The following INPP4B variants were observed in gnomAD, a reference collection of about 807,000 sequenced individuals.
The protein encoded by INPP4B is inositol polyphosphate 4-phosphatase type II.
Under a neutral mutation model 122.5 loss-of-function variants are expected in INPP4B, and 55 were observed. The observed-to-expected ratio is 0.45, with a 90% CI of 0.36 to 0.56. The LOEUF (loss-of-function observed/expected upper bound fraction) is 0.56, where lower values mean the gene tolerates loss of function less well. Ranked by LOEUF, INPP4B falls within the 20% of genes least tolerant of loss-of-function variation. The pLI is 0.00. For missense variants in INPP4B, 1,000 were observed against 1,097.7 expected (o/e 0.91, Z 1.26); for synonymous variants, 403 against 388.7 (o/e 1.04, Z -0.43).
chr4:142,694,537 A>C (rs1033756403), intron 2 of INPP4B, among the ~76,000 whole-genome samples: 10 of 152,204 alleles, frequency 6.6e-5, no homozygotes, highest in African/African-American at 2.4e-4. Context: ...CTGGTCAGGC[A>C]GGTCAGATAC....
Position 142,836,539 on chromosome 4 carries a change from A to C in INPP4B, c.-254+9670T>G, listed in dbSNP as rs182799149. 9.3e-4 allele frequency among the ~76,000 whole-genome samples: 142 copies of C among 152,262 alleles called. 1 individual carries two copies. The highest frequency in any genetic ancestry group is 3.4e-3 in the African/African-American group (141 of 41,548). ...AAAAACTGCTGTTGGAAAAACGCTT[A>C]ACTATTTTTAAGAAGAAAATCAATT... On this transcript the variant is annotated intron_variant, in intron 1 of 25. Coordinates refer to ENST00000262992, the MANE Select transcript of INPP4B (RefSeq NM_001101669.3).
chr4:142,274,034 T>C (rs1040861627), intron 9 of INPP4B, among the ~76,000 whole-genome samples: 1 of 151,836 alleles, frequency 6.6e-6, no homozygotes, highest in Non-Finnish European at 1.5e-5. Context: ...ATTTCATGTT[T>C]CCAAAGATTT....
At chr4:142,579,117 A>G (rs1185963414) in intron 2 of INPP4B, among the ~76,000 whole-genome samples, 1 of 152,060 alleles carries the variant, frequency 6.6e-6, no homozygotes, top group Non-Finnish European at 1.5e-5. Context: ...AACAAAGTCT[A>G]CATGTTCTCT....
At chr4:142,305,413 C>G (rs1160445191) in intron 9 of INPP4B, 45 bp downstream of exon 9, 1 of 1,414,202 alleles carries the variant, frequency 7.1e-7, no homozygotes, top group South Asian at 1.2e-5. Flanking sequence ...ATAAATATCA[C>G]TTGTTATTAA....
chr4:142,624,245 T>C (rs1195651982), intron 2 of INPP4B, among the ~76,000 whole-genome samples: 7 of 152,004 alleles, frequency 4.6e-5, no homozygotes, highest in Non-Finnish European at 8.8e-5. Flanking sequence ...TCCTGACTTT[T>C]TAATGATTGC....
chr4:142,545,180 T>C (rs1829405636), intron 2 of INPP4B, among the ~76,000 whole-genome samples: 1 of 152,190 alleles, frequency 6.6e-6, no homozygotes, highest in South Asian at 2.1e-4. Context: ...AAAATGGCAC[T>C]TATATTAGTT....
intron 2 of INPP4B, among the ~76,000 whole-genome samples, chr4:142,664,153 A>G (rs1755651920): frequency 6.6e-6 from 1 of 152,134 alleles, no homozygotes; most frequent in Non-Finnish European, 1.5e-5. Context: ...TAGGAAGAGT[A>G]AGAGAGGCAT....
At chr4:142,764,934 G>C (rs987920241) in intron 1 of INPP4B, among the ~76,000 whole-genome samples, 8 of 152,070 alleles carry the variant, frequency 5.3e-5, no homozygotes, top group African/African-American at 1.9e-4. Context: ...AGGGACATAT[G>C]AGATTTACTC....
intron 9 of INPP4B, among the ~76,000 whole-genome samples, chr4:142,296,858 T>C (rs1464588966): frequency 6.6e-6 from 1 of 152,192 alleles, no homozygotes; most frequent in Non-Finnish European, 1.5e-5. Flanking sequence ...TTTTGAAAAT[T>C]TCAGGAAATC....
Position 142,111,879 on chromosome 4 carries a change from G to A in INPP4B, c.2276+663C>T, listed in dbSNP as rs556106553. 2.7e-3 allele frequency among the ~76,000 whole-genome samples: 413 copies of A among 151,874 alleles called. 2 individuals carry two copies. Among genetic ancestry groups the A allele is most frequent in the Non-Finnish European group, 4.0e-3 (273 of 67,948 alleles). On this transcript the variant is annotated intron_variant, in intron 22 of 25. Transcript: ENST00000262992. ...CTGCCTTAGCCTCCTGAGTAGCTGG[G>A]ATTACAGGTGATCACCACCACGCCT...
intron 3 of INPP4B, among the ~76,000 whole-genome samples, chr4:142,445,005 G>A (rs1443196153): frequency 6.6e-6 from 1 of 151,928 alleles, no homozygotes; most frequent in Non-Finnish European, 1.5e-5. Context: ...CACACACCAG[G>A]GCCTGTCAGG....
rs1763611374 is a variant in INPP4B, at chr4:142,306,937, A to T, written c.424-1400T>A. ...GAAAGGCAACTCGGTTCTGAAGGAG[A>T]TACCCAAATATTGCTAATGATAAAC... On this transcript the variant is annotated intron_variant, in intron 8 of 25. Transcript: ENST00000262992. Among the ~76,000 whole-genome samples, 4 of 152,206 alleles carry T rather than the reference A, an allele frequency of 2.6e-5. No homozygotes were observed. The South Asian group carries it at 8.3e-4, about 32-fold the overall frequency.
At chr4:142,524,253 A>T (rs1826519237) in intron 2 of INPP4B, among the ~76,000 whole-genome samples, 1 of 152,244 alleles carries the variant, frequency 6.6e-6, no homozygotes, top group Non-Finnish European at 1.5e-5. Context: ...CAATGGTTGA[A>T]CTAGTTTACA....
At chr4:142,192,633 A>G (rs924581847) in intron 15 of INPP4B, among the ~76,000 whole-genome samples, 1 of 152,136 alleles carries the variant, frequency 6.6e-6, no homozygotes, top group African/African-American at 2.4e-5. Context: ...CAGAACATAG[A>G]ATTCTGTATT....
At chr4:142,393,050 C>G (rs1798246165) in intron 7 of INPP4B, among the ~76,000 whole-genome samples, 1 of 152,150 alleles carries the variant, frequency 6.6e-6, no homozygotes, top group South Asian at 2.1e-4. Flanking sequence ...GTACCCATCT[C>G]TAAAATGTCA....
intron 7 of INPP4B, among the ~76,000 whole-genome samples, chr4:142,372,458 T>G (rs1790288185): frequency 6.6e-6 from 1 of 152,100 alleles, no homozygotes; most frequent in Admixed American, 6.6e-5. Flanking sequence ...GTAAATACCT[T>G]GATTTGATCA....
intron 9 of INPP4B, among the ~76,000 whole-genome samples, chr4:142,275,557 T>C (rs1443474428): frequency 6.6e-6 from 1 of 151,832 alleles, no homozygotes; most frequent in Non-Finnish European, 1.5e-5. Flanking sequence ...AGTGAGTGAC[T>C]GCACCCTGAT....
At position 142,260,354 on chromosome 4, in the gene INPP4B, C is replaced by A. The variant is rs989423128; in HGVS notation, c.688+138G>T. 6.0e-6 allele frequency: 4 copies of A among 665,562 alleles called. No homozygotes were observed. In the African/African-American group the frequency reaches 7.4e-5, roughly 12 times the overall value. The allele number at this position is 665,562 out of a possible 1,614,324, so 41.2% of individuals were successfully genotyped here. The stretch of plus-strand genomic sequence containing the variant: ...TGGAATTGTACAATCTCCCCGCATT[C>A]TGCTGGCCCCTTATGATTTCCCAGT... On this transcript the variant is annotated intron_variant, in intron 11 of 25. Transcript: ENST00000262992.
intron 2 of INPP4B, among the ~76,000 whole-genome samples, chr4:142,649,394 C>G (rs1315526133): frequency 6.6e-6 from 1 of 152,208 alleles, no homozygotes; most frequent in African/African-American, 2.4e-5. Context: ...CAGAAGTAGG[C>G]TTCAGAAGGT....
Sources: allele counts gnomAD v4.1 joint callset (sites outside exome capture counted in the v4.1 genomes callset), GRCh38; gene constraint gnomAD v4.1.1; transcripts MANE v1.5; gene names NCBI Gene and HGNC (gene_info 2026-07-23, HGNC 2026-07-21).